Variants in ASTN2 observed in about 807,000 individuals in gnomAD.
ASTN2 encodes the protein astrotactin 2, also known as astrotactin-2.
Under a neutral mutation model 139.8 loss-of-function variants are expected in ASTN2, and 54 were observed. That is an observed-to-expected ratio of 0.39 (90% confidence interval 0.31 to 0.48). ASTN2 has a LOEUF of 0.48. ASTN2 is among the 20% of genes least tolerant of loss of function. The pLI is 0.95. For synonymous variants in ASTN2, 756 were observed against 719.5 expected (o/e 1.05, Z -0.81); for missense variants, 1,565 against 1,725.1 (o/e 0.91, Z 1.64).
At chr9:117,285,008 G>C (rs1446161410) in intron 2 of ASTN2, among the ~76,000 whole-genome samples, 1 of 152,158 alleles carries the variant, frequency 6.6e-6, no homozygotes, top group South Asian at 2.1e-4. Flanking sequence ...TACATGTCAA[G>C]TACAATCACA....
intron 4 of ASTN2, among the ~76,000 whole-genome samples, chr9:117,109,787 T>C (rs1374798560): frequency 1.3e-5 from 2 of 152,210 alleles, no homozygotes; most frequent in East Asian, 3.9e-4. Flanking sequence ...CTTTCAAATT[T>C]GTCCACCATG....
At chr9:117,167,551 G>A (rs1402702503) in intron 3 of ASTN2, among the ~76,000 whole-genome samples, 1 of 152,012 alleles carries the variant, frequency 6.6e-6, no homozygotes, top group Non-Finnish European at 1.5e-5. Context: ...CATAAAACAT[G>A]AAATAACTTT....
chr9:117,190,479 C>A (rs1406435076), intron 3 of ASTN2, among the ~76,000 whole-genome samples: 2 of 152,130 alleles, frequency 1.3e-5, no homozygotes, highest in African/African-American at 2.4e-5. Context: ...TGCAAAAATT[C>A]ATTCCCCCAT....
At chr9:117,244,035 TAGTG>T (rs953424722) in intron 2 of ASTN2, among the ~76,000 whole-genome samples, 29 of 152,128 alleles carry the variant, frequency 1.9e-4, no homozygotes, top group African/African-American at 6.0e-4. Context: ...GTTCTCATGA[TAGTG>T]AGTGAGTTCT....
chr9:116,714,524 C>A (rs1828260809), intron 16 of ASTN2, among the ~76,000 whole-genome samples: 1 of 152,178 alleles, frequency 6.6e-6, no homozygotes, highest in South Asian at 2.1e-4. Context: ...TTACAAACAT[C>A]AATTCATTTA....
At chr9:117,376,783 G>A (rs1480066819) in intron 1 of ASTN2, among the ~76,000 whole-genome samples, 2 of 152,160 alleles carry the variant, frequency 1.3e-5, no homozygotes, top group African/African-American at 2.4e-5. Flanking sequence ...CCTGTGTGGT[G>A]TCCAACATTG....
chr9:116,950,523 G>C (rs1835527889), intron 10 of ASTN2, among the ~76,000 whole-genome samples: 1 of 152,132 alleles, frequency 6.6e-6, no homozygotes, highest in African/African-American at 2.4e-5. Context: ...TTTAATAAAA[G>C]ATATGGTTGG....
chr9:117,230,918 T>C lies in ASTN2; in HGVS notation c.631-16176A>G, dbSNP rs527487827. On this transcript the variant is annotated intron_variant, in intron 2 of 22. Transcript: ENST00000313400. The stretch of plus-strand genomic sequence containing the variant: ...CACTCGCCTTTTAAGACAGAGCTTG[T>C]GTATCTTCTTGACCCTCCCAGATAG... Among the ~76,000 whole-genome samples, 46 of 152,262 alleles carry C rather than the reference T, an allele frequency of 3.0e-4. 1 individual carries two copies. Among genetic ancestry groups the C allele is most frequent in the African/African-American group, 1.0e-3 (43 of 41,552 alleles).
chr9:116,652,011 C>T (rs1407114417), intron 16 of ASTN2, among the ~76,000 whole-genome samples: 2 of 152,046 alleles, frequency 1.3e-5, no homozygotes, highest in Non-Finnish European at 1.5e-5. Flanking sequence ...ATTAAATATC[C>T]ACTTGCTTTG....
chr9:116,573,579 C>A (rs1853609401), intron 19 of ASTN2, among the ~76,000 whole-genome samples: 1 of 152,110 alleles, frequency 6.6e-6, no homozygotes, highest in Non-Finnish European at 1.5e-5. Flanking sequence ...CCCCAAGTAG[C>A]ATAATTCAGT....
intron 6 of ASTN2, among the ~76,000 whole-genome samples, chr9:117,019,205 G>A (rs1837802491): frequency 6.6e-6 from 1 of 152,034 alleles, no homozygotes; most frequent in Non-Finnish European, 1.5e-5. Context: ...AGAAGTCAGG[G>A]AGAAGGTGAC....
At chr9:116,758,375 T>G (rs909863311) in intron 13 of ASTN2, among the ~76,000 whole-genome samples, 5 of 152,030 alleles carry the variant, frequency 3.3e-5, no homozygotes, top group African/African-American at 9.7e-5. Flanking sequence ...GCCAGGAGAG[T>G]GCCAGGGCTC....
At chr9:117,276,364 A>C (rs10818016) in intron 2 of ASTN2, among the ~76,000 whole-genome samples, 52,169 of 152,070 alleles carry the variant, frequency 0.34, 10,555 homozygotes, top group Non-Finnish European at 0.44. Context: ...AATCATTCTG[A>C]TGGCCCAGAC....
chr9:116,634,589 C>CAA (rs57882262), intron 17 of ASTN2, among the ~76,000 whole-genome samples: 7,623 of 103,576 alleles, frequency 0.074, 619 homozygotes, highest in Non-Finnish European at 0.093. Flanking sequence ...GACTCCGTCT[C>CAA]AAAAAAAAAA....
chr9:116,609,820 G>T (rs1439534639), intron 19 of ASTN2, among the ~76,000 whole-genome samples: 9 of 152,052 alleles, frequency 5.9e-5, no homozygotes, highest in Non-Finnish European at 1.3e-4. Context: ...CATAAGGCTT[G>T]GAAGAGAGGA....
chr9:116,967,813 C>T (rs1341110466), intron 10 of ASTN2, among the ~76,000 whole-genome samples: 1 of 152,194 alleles, frequency 6.6e-6, no homozygotes, highest in Non-Finnish European at 1.5e-5. Context: ...CTCCAGCCTA[C>T]TCCACGTGTC....
chr9:117,262,663 A>T (rs974062072), intron 2 of ASTN2, among the ~76,000 whole-genome samples: 2 of 152,126 alleles, frequency 1.3e-5, no homozygotes, highest in Non-Finnish European at 2.9e-5. Context: ...AAGTCTTTAT[A>T]CTCAGAACCT....
intron 10 of ASTN2, among the ~76,000 whole-genome samples, chr9:116,915,064 G>A (rs1352701882): frequency 1.3e-5 from 2 of 152,212 alleles, no homozygotes; most frequent in Non-Finnish European, 2.9e-5. Flanking sequence ...AATGTGAGAT[G>A]TTCTTTGCAA....
At chr9:117,231,829 C>T (rs1832900864) in intron 2 of ASTN2, among the ~76,000 whole-genome samples, 1 of 152,114 alleles carries the variant, frequency 6.6e-6, no homozygotes, top group South Asian at 2.1e-4. Context: ...ATTTCTCAGG[C>T]CATTACAAAC....
Sources: gnomAD v4.1 joint callset for allele counts (sites outside exome capture counted in the v4.1 genomes callset) on GRCh38, gnomAD v4.1.1 for gene constraint, MANE v1.5 for transcripts, NCBI Gene and HGNC (gene_info 2026-07-23, HGNC 2026-07-21) for gene names.